STAMBP: variants seen among roughly 807,000 people sequenced by gnomAD.
The protein encoded by STAMBP is STAM binding protein.
STAMBP carries 31 observed loss-of-function variants against 50.7 expected under a neutral mutation model. The ratio of observed to expected loss-of-function variants is 0.61; its 90% CI spans 0.46 to 0.83. The LOEUF (loss-of-function observed/expected upper bound fraction) is 0.83. STAMBP is among the 40% of genes least tolerant of loss of function. The probability of loss-of-function intolerance (pLI) is 0.00; values close to 1 mark genes in which losing one functional copy is unlikely to be tolerated. For synonymous variants in STAMBP, 211 were observed against 192.4 expected, an observed-to-expected ratio of 1.10 and a Z score of -0.80; for missense variants, 472 against 518.9, an observed-to-expected ratio of 0.91 and a Z score of 0.88.
At position 73,831,067 on chromosome 2, in the gene STAMBP, A is replaced by T. The variant is rs760540615; in HGVS notation, c.203+8A>T. 9.9e-6 allele frequency: 16 copies of T among 1,612,384 alleles called. No individual in the cohort carries two copies. The highest frequency in any genetic ancestry group is 2.7e-5 in the African/African-American group (2 of 74,884). On this transcript the variant is annotated splice_region_variant and intron_variant, in intron 2 of 9. Transcript: ENST00000394070. ...CTATAACAAGTATATCACGTAAGAC[A>T]CCTACAGTTTCCTTTTTCCTTTCTG...
chr2:73,834,829 T>A (rs1309643326), intron 2 of STAMBP, among the ~76,000 whole-genome samples: 1 of 152,098 alleles, frequency 6.6e-6, no homozygotes, highest in African/African-American at 2.4e-5. Context: ...CACAGGTAAC[T>A]ATGTGTTTAG....
At chr2:73,867,982 G>T (rs1679026843), downstream of STAMBP, among the ~76,000 whole-genome samples, 3 of 151,924 alleles carry the variant, frequency 2.0e-5, no homozygotes, top group African/African-American at 7.3e-5. Context: ...AAATTAGCCG[G>T]CTGTGGTGGC....
chr2:73,831,060 G>T lies in STAMBP; in HGVS notation c.203+1G>T. ...TCATCCTCTATAACAAGTATATCAC[G>T]TAAGACACCTACAGTTTCCTTTTTC... is the stretch of plus-strand genomic sequence containing the variant. On this transcript the variant is annotated splice_donor_variant, in intron 2 of 9. Coordinates refer to ENST00000394070, the MANE Select transcript of STAMBP (RefSeq NM_213622.4). LOFTEE classifies it high-confidence loss of function. 6.2e-7 allele frequency: 1 copy of T among 1,613,328 alleles called. No individual in the cohort carries two copies. The highest frequency in any genetic ancestry group is 8.5e-7 in the Non-Finnish European group (1 of 1,179,242).
Position 73,831,035 on chromosome 2 carries a change from TC to T in STAMBP, c.180del (p.Phe60LeufsTer33). 3 of 1,614,198 alleles carry T rather than the reference TC, an allele frequency of 1.9e-6. No individual in the cohort carries two copies. Among genetic ancestry groups the T allele is most frequent in the Non-Finnish European group, 2.5e-6 (3 of 1,179,996 alleles). On this transcript the variant is annotated frameshift_variant, in exon 2 of 10. Coordinates refer to ENST00000394070, the MANE Select transcript of STAMBP (RefSeq NM_213622.4). LOFTEE classifies it high-confidence loss of function. The part of the protein sequence containing the change: ...YSEEGNIEHA[F>X]ILYNKYITLF... Reference sequence around the variant, plus strand: ...GAGGAAGGCAACATTGAACATGCCTTCATCCTCTATAACAAGTATATCACGT... The same window carrying T: ...GAGGAAGGCAACATTGAACATGCCTTATCCTCTATAACAAGTATATCACGT...
In STAMBP at chr2:73,862,196, A is replaced by G. The variant is rs960967058; in HGVS notation, c.1219-7A>G. ...TAGGACTCCACCTTTCTTTTTTCCT[A>G]TTGCAGAGCTGCAGCCACGTGACTG... On this transcript the variant is annotated splice_polypyrimidine_tract_variant and splice_region_variant and intron_variant, in intron 9 of 9. Transcript: ENST00000394070. 1.7e-5 allele frequency: 27 copies of G among 1,593,300 alleles called. No individual in the cohort carries two copies. Among genetic ancestry groups the G allele is most frequent in the Middle Eastern group, 3.4e-4 (2 of 5,936 alleles).
Position 73,854,051 on chromosome 2 carries a change from A to G in STAMBP, c.1005+3538A>G, listed in dbSNP as rs112321511. ...ACATGTTCTTATGCCCAATGAGCCA[A>G]CAATGGAGATGTAAAAGGGCAGGAG... On this transcript the variant is annotated intron_variant, in intron 7 of 9. Transcript: ENST00000394070. 3.2e-3 allele frequency among the ~76,000 whole-genome samples: 482 copies of G among 152,362 alleles called. 3 individuals are homozygous for G. The highest frequency in any genetic ancestry group is 0.024 in the Middle Eastern group (7 of 294).
chr2:73,839,053 A>G (rs1238862211), intron 2 of STAMBP, among the ~76,000 whole-genome samples: 1 of 152,224 alleles, frequency 6.6e-6, no homozygotes, highest in Non-Finnish European at 1.5e-5. Context: ...AGAGGGGAGT[A>G]TACATCTGCC....
intron 2 of STAMBP, among the ~76,000 whole-genome samples, chr2:73,835,947 T>C (rs1674661524): frequency 6.6e-6 from 1 of 151,982 alleles, no homozygotes; most frequent in Non-Finnish European, 1.5e-5. Context: ...AGCATACAGA[T>C]GGTTCTGAAG....
chr2:73,853,034 G>T (rs1677069130), intron 7 of STAMBP, among the ~76,000 whole-genome samples: 1 of 151,634 alleles, frequency 6.6e-6, no homozygotes, highest in Non-Finnish European at 1.5e-5. Context: ...CGTGATTATA[G>T]GCATGAGCCA....
At chr2:73,842,827 G>A (rs1464942541) in intron 2 of STAMBP, among the ~76,000 whole-genome samples, 2 of 152,124 alleles carry the variant, frequency 1.3e-5, no homozygotes, top group Non-Finnish European at 2.9e-5. Flanking sequence ...GCACTGTGCT[G>A]GCTTCCAAGG....
At chr2:73,837,584 C>CAAAAAAA (rs56397494) in intron 2 of STAMBP, among the ~76,000 whole-genome samples, 7 of 40,912 alleles carry the variant, frequency 1.7e-4, no homozygotes, top group East Asian at 7.7e-4. Flanking sequence ...GACTCCATCT[C>CAAAAAAA]AAAAAAAAAA....
At chr2:73,833,169 T>A (rs13425917) in intron 2 of STAMBP, among the ~76,000 whole-genome samples, 1 of 152,210 alleles carries the variant, frequency 6.6e-6, no homozygotes, top group African/African-American at 2.4e-5. Context: ...TTTGGCAGGC[T>A]TTAGCCTCCA....
chr2:73,871,802 G>C (rs1205104041), downstream of STAMBP, among the ~76,000 whole-genome samples: 1 of 152,040 alleles, frequency 6.6e-6, no homozygotes, highest in African/African-American at 2.4e-5. Flanking sequence ...GAGGCTCGCT[G>C]TGTCACCCAG....
At chr2:73,834,217 AAAAAAAAAAAAAAAAAAAAAT>A (rs1333267661) in intron 2 of STAMBP, among the ~76,000 whole-genome samples, 13 of 16,292 alleles carry the variant, frequency 8.0e-4, no homozygotes, top group Non-Finnish European at 5.2e-4. Flanking sequence ...CTTAAAAAAA[AAAAAAAAAAAAAAAAAAAAAT>A]ATATATATAT....
At chr2:73,835,682 C>T (rs907906319) in intron 2 of STAMBP, among the ~76,000 whole-genome samples, 22 of 152,044 alleles carry the variant, frequency 1.4e-4, no homozygotes, top group Non-Finnish European at 2.5e-4. Context: ...AAAGATACTG[C>T]GGAGGTTGAT....
chr2:73,873,521 C>G (rs1315516262), exon 11 of STAMBP: 1 of 152,184 alleles, frequency 6.6e-6, no homozygotes, highest in African/African-American at 2.4e-5. Context: ...GGAATACTTA[C>G]TTAGGTAACA....
At chr2:73,836,735 G>A (rs1235072031) in intron 2 of STAMBP, among the ~76,000 whole-genome samples, 4 of 152,230 alleles carry the variant, frequency 2.6e-5, no homozygotes, top group Non-Finnish European at 5.9e-5. Flanking sequence ...CCTCAGCTGA[G>A]CTTGAGTAAG....
At position 73,848,719 on chromosome 2, in the gene STAMBP, C is replaced by T. The variant is rs968724837; in HGVS notation, c.743-644C>T. Among the ~76,000 whole-genome samples the T allele has an allele frequency of 8.4e-4, 128 of 152,190 alleles. 1 individual carries two copies. Among genetic ancestry groups the T allele is most frequent in the Non-Finnish European group, 2.4e-4 (16 of 68,030 alleles). ...ATAGCCTCATCACCTCTTAAAGATC[C>T]TACCTCTCAATAATTTTGCATTAGG... On this transcript the variant is annotated intron_variant, in intron 5 of 9. Transcript: ENST00000394070.
Position 73,833,072 on chromosome 2 carries a change from G to A in STAMBP, c.203+2013G>A, listed in dbSNP as rs112184859. 2.6e-3 allele frequency among the ~76,000 whole-genome samples: 401 copies of A among 152,320 alleles called. 5 individuals carry two copies. Among genetic ancestry groups the A allele is most frequent in the Admixed American group, 6.4e-3 (98 of 15,304 alleles). ...TCCACCCCATAGTGGAGGTTGTGCA[G>A]GCTATATTTATAGTCAGAGAAAAGG... On this transcript the variant is annotated intron_variant, in intron 2 of 9. Transcript: ENST00000394070.
Sources: allele counts gnomAD v4.1 joint callset (sites outside exome capture counted in the v4.1 genomes callset), GRCh38; gene constraint gnomAD v4.1.1; transcripts MANE v1.5; gene names NCBI Gene and HGNC (gene_info 2026-07-23, HGNC 2026-07-21).